CSTPP1: variants seen among roughly 807,000 people sequenced by gnomAD.
CSTPP1 encodes the protein centriolar satellite-associated tubulin polyglutamylase complex regulator 1.
At chr11:46,942,198 GC>G in the CSTPP1 span, among the ~76,000 whole-genome samples, 2 of 152,174 alleles carry the variant, frequency 1.3e-5, no homozygotes, top group African/African-American at 4.8e-5. Context: ...TAATGCCTAG[GC>G]CTGAAGAGAG....
the CSTPP1 span, among the ~76,000 whole-genome samples, chr11:46,956,881 A>C: frequency 6.6e-6 from 1 of 151,736 alleles, no homozygotes; most frequent in Non-Finnish European, 1.5e-5. Context: ...ATGACTGTGA[A>C]AATTATACAT....
At chr11:47,059,731 A>C in the CSTPP1 span, among the ~76,000 whole-genome samples, 1 of 152,132 alleles carries the variant, frequency 6.6e-6, no homozygotes, top group African/African-American at 2.4e-5. Flanking sequence ...CACTGAGCAA[A>C]ATGTTTACAT....
chr11:47,110,365 A>T, the CSTPP1 span, among the ~76,000 whole-genome samples: 3 of 152,256 alleles, frequency 2.0e-5, no homozygotes, highest in Non-Finnish European at 2.9e-5. Flanking sequence ...CATGGTTACT[A>T]TCAGGAAATA....
chr11:46,965,322 T>G, the CSTPP1 span, among the ~76,000 whole-genome samples: 1 of 150,714 alleles, frequency 6.6e-6, no homozygotes, highest in Non-Finnish European at 1.5e-5. Context: ...CCTCCCGGGT[T>G]CAAGCGATTC....
chr11:47,060,574 C>A, the CSTPP1 span, among the ~76,000 whole-genome samples: 1 of 152,026 alleles, frequency 6.6e-6, no homozygotes, highest in African/African-American at 2.4e-5. Flanking sequence ...GCTGTGCCTG[C>A]TACCCCAGGT....
chr11:46,977,745 T>TC, the CSTPP1 span, among the ~76,000 whole-genome samples: 1 of 152,226 alleles, frequency 6.6e-6, no homozygotes. Context: ...TTTATTCAAG[T>TC]CCTGGATGTT....
chr11:47,003,610 C>T, the CSTPP1 span, among the ~76,000 whole-genome samples: 1 of 152,194 alleles, frequency 6.6e-6, no homozygotes, highest in South Asian at 2.1e-4. Flanking sequence ...TGTCTGAGGA[C>T]ATAATTGTGA....
the CSTPP1 span, among the ~76,000 whole-genome samples, chr11:47,044,487 G>C: frequency 6.6e-6 from 1 of 151,974 alleles, no homozygotes; most frequent in African/African-American, 2.4e-5. Flanking sequence ...TGAACAGACA[G>C]AATAGAGAAT....
chr11:47,136,616 G>A, the CSTPP1 span, among the ~76,000 whole-genome samples: 2 of 152,162 alleles, frequency 1.3e-5, no homozygotes, highest in Admixed American at 1.3e-4. Flanking sequence ...CTGGATTCCT[G>A]TGGCTTGGGC....
chr11:47,034,600 G>A, the CSTPP1 span, among the ~76,000 whole-genome samples: 2 of 151,418 alleles, frequency 1.3e-5, no homozygotes, highest in Admixed American at 6.6e-5. Context: ...TCCTGTGCTC[G>A]AGTGAGTTTC....
the CSTPP1 span, chr11:47,161,163 C>G: frequency 8.1e-6 from 13 of 1,614,120 alleles, no homozygotes; most frequent in Non-Finnish European, 1.1e-5. Flanking sequence ...ATGCACGACC[C>G]AGCAATGGAT....
chr11:47,052,364 A>C, the CSTPP1 span: 1 of 1,599,738 alleles, frequency 6.3e-7, no homozygotes, highest in Non-Finnish European at 8.5e-7. Context: ...TCTAACAATG[A>C]CTTCTTGACT....
the CSTPP1 span, among the ~76,000 whole-genome samples, chr11:47,028,697 C>T: frequency 6.6e-6 from 1 of 152,126 alleles, no homozygotes; most frequent in Admixed American, 6.6e-5. Context: ...TTAGCATTGC[C>T]AAATTCTATA....
At chr11:47,036,236 T>TATA in the CSTPP1 span, among the ~76,000 whole-genome samples, 15 of 55,484 alleles carry the variant, frequency 2.7e-4, no homozygotes, top group African/African-American at 8.5e-4. Flanking sequence ...ATATAATATA[T>TATA]TATATTTATA....
chr11:47,014,424 G>A, the CSTPP1 span, among the ~76,000 whole-genome samples: 4 of 151,814 alleles, frequency 2.6e-5, no homozygotes, highest in Admixed American at 2.0e-4. Flanking sequence ...AAAGCCTGGC[G>A]CGGTGGCTCA....
chr11:47,119,971 C>T, the CSTPP1 span, among the ~76,000 whole-genome samples: 1 of 152,198 alleles, frequency 6.6e-6, no homozygotes, highest in South Asian at 2.1e-4. Flanking sequence ...CTAACTTGCC[C>T]CAGATCATTT....
the CSTPP1 span, among the ~76,000 whole-genome samples, chr11:46,964,173 T>G: frequency 1.3e-5 from 2 of 152,274 alleles, no homozygotes; most frequent in Non-Finnish European, 2.9e-5. Context: ...ATACAAACCT[T>G]GTGATATGGC....
the CSTPP1 span, among the ~76,000 whole-genome samples, chr11:47,086,868 T>C: frequency 6.6e-6 from 1 of 152,212 alleles, no homozygotes; most frequent in East Asian, 1.9e-4. Flanking sequence ...GTAGACAATG[T>C]AAACTTACTC....
the CSTPP1 span, chr11:46,936,859 C>A: frequency 6.3e-7 from 1 of 1,577,540 alleles, no homozygotes; most frequent in South Asian, 1.2e-5. Context: ...TGGGTAGGAA[C>A]CCCCTTTAAC....
Sources: gnomAD v4.1 joint callset for allele counts (sites outside exome capture counted in the v4.1 genomes callset) on GRCh38, gnomAD v4.1.1 for gene constraint, MANE v1.5 for transcripts, NCBI Gene and HGNC (gene_info 2026-07-23, HGNC 2026-07-21) for gene names.